POLA1: variants seen among roughly 807,000 people sequenced by gnomAD.
POLA1 encodes DNA polymerase alpha catalytic subunit.
A neutral mutation model predicts 124.0 loss-of-function variants in POLA1; 15 were observed. The ratio of observed to expected loss-of-function variants is 0.12; its 90% CI spans 0.08 to 0.19. The LOEUF (loss-of-function observed/expected upper bound fraction) is 0.19. POLA1 is among the 10% of genes least tolerant of loss of function. The pLI, the probability that POLA1 is intolerant of heterozygous loss-of-function variation, is 1.00. For missense variants in POLA1, 886 were observed against 1,103.4 expected (o/e 0.80, Z 2.79); for synonymous variants, 408 against 389.4 (o/e 1.05, Z -0.56).
At position 24,995,978 on chromosome X, in the gene POLA1, G is replaced by T; in HGVS notation, c.*28G>T. ...GAATCCCAGGAGTAACCAAGGAGGG[G>T]GTAGTTGAAAAATCCCAGCTTCCTC... On this transcript the variant is annotated 3_prime_UTR_variant, in exon 37 of 37. Coordinates refer to ENST00000379068, the MANE Select transcript of POLA1 (RefSeq NM_001330360.2). 3 of 1,190,220 alleles carry T rather than the reference G, an allele frequency of 2.5e-6. No individual in the cohort carries two copies. In the African/African-American group the frequency reaches 5.2e-5, roughly 21 times the overall value.
intron 34 of POLA1, among the ~76,000 whole-genome samples, chrX:24,845,164 A>G (rs1214346442): frequency 8.9e-6 from 1 of 111,863 alleles, no homozygotes; most frequent in Non-Finnish European, 1.9e-5. Context: ...TGGTGGTTAT[A>G]TAAGTATTTT....
chrX:24,755,836 A>AT (rs1932573730), intron 26 of POLA1, among the ~76,000 whole-genome samples: 1 of 112,033 alleles, frequency 8.9e-6, no homozygotes, highest in South Asian at 3.7e-4. Flanking sequence ...TCTAGAAATT[A>AT]TTTTTAGGAA....
At chrX:24,848,752 A>G (rs780635503) in intron 34 of POLA1, among the ~76,000 whole-genome samples, 6 of 112,425 alleles carry the variant, frequency 5.3e-5, no homozygotes, top group Non-Finnish European at 9.4e-5. Flanking sequence ...TTAGGAATGC[A>G]CAAAACTAAA....
chrX:24,873,405 A>G (rs987856474), intron 34 of POLA1, among the ~76,000 whole-genome samples: 1 of 112,121 alleles, frequency 8.9e-6, no homozygotes, highest in African/African-American at 3.2e-5. Flanking sequence ...TATCAAAGGT[A>G]CTATACAAGG....
intron 16 of POLA1, among the ~76,000 whole-genome samples, chrX:24,733,522 A>G (rs951005753): frequency 8.9e-6 from 1 of 112,075 alleles, no homozygotes; most frequent in African/African-American, 3.3e-5. Context: ...GTGGATAGAT[A>G]GCAAATGTTT....
intron 30 of POLA1, among the ~76,000 whole-genome samples, chrX:24,816,910 A>C (rs1415243610): frequency 8.9e-6 from 1 of 112,346 alleles, no homozygotes; most frequent in African/African-American, 3.2e-5. Flanking sequence ...CATTCTTTTA[A>C]GTTTTTATTA....
intron 28 of POLA1, 28 bp from the exon 29 acceptor site, chrX:24,812,629 GC>G: frequency 1.1e-6 from 1 of 889,726 alleles, no homozygotes; most frequent in Non-Finnish European, 1.6e-6. Context: ...TGTTTGAGAA[GC>G]TAATACTAAT....
intron 26 of POLA1, chrX:24,789,165 T>A: frequency 1.2e-6 from 1 of 813,461 alleles, no homozygotes; most frequent in Non-Finnish European, 1.8e-6. Context: ...GCAGAGCAAT[T>A]AGGCAAGAGA....
intron 35 of POLA1, among the ~76,000 whole-genome samples, chrX:24,926,311 G>A (rs2047690413): frequency 9.0e-6 from 1 of 111,371 alleles, no homozygotes; most frequent in Non-Finnish European, 1.9e-5. Flanking sequence ...AGCTTTAAGG[G>A]GAAGATGGGG....
intron 35 of POLA1, among the ~76,000 whole-genome samples, chrX:24,910,374 G>T (rs1414999016): frequency 9.1e-6 from 1 of 109,682 alleles, no homozygotes; most frequent in Non-Finnish European, 1.9e-5. Flanking sequence ...ATTGGCTGTG[G>T]GTTTGTCATA....
intron 32 of POLA1, 91 bp downstream of exon 32, chrX:24,826,692 G>A: frequency 1.8e-6 from 1 of 566,295 alleles, no homozygotes; most frequent in Non-Finnish European, 2.8e-6. Flanking sequence ...TATGGGCATG[G>A]TATTGTGTCT....
intron 36 of POLA1, among the ~76,000 whole-genome samples, chrX:24,989,562 G>A (rs1287494336): frequency 9.0e-6 from 1 of 110,813 alleles, no homozygotes; most frequent in Non-Finnish European, 1.9e-5. Flanking sequence ...TGGGACCACA[G>A]GCATGCGCCA....
At chrX:24,811,433 G>C (rs2045899196) in intron 28 of POLA1, among the ~76,000 whole-genome samples, 1 of 109,902 alleles carries the variant, frequency 9.1e-6, no homozygotes, top group Admixed American at 9.7e-5. Flanking sequence ...GGGATTACAG[G>C]CATGCACCAT....
intron 34 of POLA1, among the ~76,000 whole-genome samples, chrX:24,856,371 C>T (rs759292384): frequency 8.9e-6 from 1 of 112,087 alleles, no homozygotes; most frequent in South Asian, 3.7e-4. Flanking sequence ...ATGGATCTGT[C>T]AGTTTGTTTG....
intron 34 of POLA1, among the ~76,000 whole-genome samples, chrX:24,879,962 G>A (rs1467015898): frequency 9.0e-6 from 1 of 111,501 alleles, no homozygotes; most frequent in African/African-American, 3.3e-5. Flanking sequence ...CTTGCATGGG[G>A]GCTCTTTAAT....
intron 24 of POLA1, among the ~76,000 whole-genome samples, chrX:24,748,078 G>A (rs188325221): frequency 1.8e-3 from 203 of 111,720 alleles, no homozygotes; most frequent in African/African-American, 6.3e-3. Context: ...TCTAACTACA[G>A]GGGTGGGAGA....
chrX:24,965,434 TTTC>T (rs2048210776), intron 36 of POLA1, among the ~76,000 whole-genome samples: 1 of 112,375 alleles, frequency 8.9e-6, no homozygotes, highest in Non-Finnish European at 1.9e-5. Context: ...CTCACATATG[TTTC>T]TTCTTATGCA....
At chrX:24,870,115 G>A (rs1318064232) in intron 34 of POLA1, among the ~76,000 whole-genome samples, 1 of 111,933 alleles carries the variant, frequency 8.9e-6, no homozygotes, top group African/African-American at 3.2e-5. Context: ...TCTGCTTAGG[G>A]AATCAGTTTG....
At chrX:24,919,808 G>GTTTTTTTTTTTT (rs1195362180) in intron 35 of POLA1, among the ~76,000 whole-genome samples, 10 of 20,153 alleles carry the variant, frequency 5.0e-4, no homozygotes, top group East Asian at 1.6e-3. Flanking sequence ...TTTTTTTTTT[G>GTTTTTTTTTTTT]TTTTTTTTTT....
Sources: allele counts gnomAD v4.1 joint callset (sites outside exome capture counted in the v4.1 genomes callset), GRCh38; gene constraint gnomAD v4.1.1; transcripts MANE v1.5; gene names NCBI Gene and HGNC (gene_info 2026-07-23, HGNC 2026-07-21).